Variants in SHTN1 observed in about 807,000 individuals in gnomAD.
The protein encoded by SHTN1 is shootin-1.
A neutral mutation model predicts 83.1 loss-of-function variants in SHTN1; 42 were observed. The ratio of observed to expected loss-of-function variants is 0.51; its 90% CI spans 0.39 to 0.65. SHTN1 has a LOEUF of 0.65. SHTN1 is among the 30% of genes least tolerant of loss of function. SHTN1 has a pLI of 0.00. For synonymous variants in SHTN1, 224 were observed against 247.7 expected (o/e 0.90, Z 0.90); for missense variants, 622 against 737.8 (o/e 0.84, Z 1.82).
chr10:116,954,137 G>T lies in SHTN1; in HGVS notation c.341C>A (p.Thr114Asn). 7 of 1,613,660 alleles carry T rather than the reference G, an allele frequency of 4.3e-6. No homozygotes were observed. The highest frequency in any genetic ancestry group is 5.9e-6 in the Non-Finnish European group (7 of 1,179,704). The change falls in exon 5 of 17, where the codon ACT becomes AAT. Residue 114 changes from threonine to asparagine, a missense_variant. Around this residue, in one of 3 missense-constraint regions of SHTN1, gnomAD observed 383 missense variants for 455.8 expected, o/e 0.84. Coordinates refer to ENST00000355371, the MANE Select transcript of SHTN1 (RefSeq NM_001127211.3). ...YMAKLGPDVI[T>N]EEINIDDEDS... ...TTCATCATCAATGTTTATCTCTTCA[G>T]TTATTACATCTGGTCCCAGCTTGGC...
chr10:116,924,551 C>T (rs1240617743), intron 11 of SHTN1, among the ~76,000 whole-genome samples: 1 of 151,918 alleles, frequency 6.6e-6, no homozygotes, highest in Non-Finnish European at 1.5e-5. Context: ...ATATTAAAAC[C>T]AACAGTCAAG....
At chr10:116,999,160 G>C (rs1290040817) in intron 1 of SHTN1, among the ~76,000 whole-genome samples, 7 of 152,076 alleles carry the variant, frequency 4.6e-5, no homozygotes, top group Admixed American at 4.6e-4. Flanking sequence ...CAAAAACAAG[G>C]AAAGAAAGAT....
chr10:117,073,037 C>T (rs1409687473), intron 1 of SHTN1, among the ~76,000 whole-genome samples: 1 of 152,172 alleles, frequency 6.6e-6, no homozygotes, highest in Admixed American at 6.5e-5. Context: ...GTTCAGGACA[C>T]ATTGGACACA....
intron 16 of SHTN1, among the ~76,000 whole-genome samples, chr10:116,889,739 C>A (rs1236160984): frequency 6.6e-6 from 1 of 152,212 alleles, no homozygotes; most frequent in Non-Finnish European, 1.5e-5. Context: ...AGGCTACAGG[C>A]TAGTTTTTGG....
At chr10:117,058,583 T>C (rs1057504149) in intron 1 of SHTN1, among the ~76,000 whole-genome samples, 1 of 152,114 alleles carries the variant, frequency 6.6e-6, no homozygotes, top group Non-Finnish European at 1.5e-5. Flanking sequence ...CTTGTGGAAA[T>C]ATAAAATTGT....
chr10:117,097,679 T>A (rs1207651637), intron 1 of SHTN1, among the ~76,000 whole-genome samples: 1 of 152,232 alleles, frequency 6.6e-6, no homozygotes, highest in Admixed American at 6.5e-5. Context: ...TTTTCAACCA[T>A]GACCCAGTTT....
In SHTN1 at chr10:116,912,932, G is replaced by A. The variant is rs551701456; in HGVS notation, c.1306-1089C>T. Among the ~76,000 whole-genome samples, 112 of 152,284 alleles carry A rather than the reference G, an allele frequency of 7.4e-4. 2 individuals carry two copies. The South Asian group carries it at 0.022, about 30-fold the overall frequency. ...TTAAAAACAGAGAAGAGAGAGGTTT[G>A]CTGCTCATGTACAAAGCTGACTAAG... is the stretch of plus-strand genomic sequence containing the variant. On this transcript the variant is annotated intron_variant, in intron 13 of 16. Coordinates refer to ENST00000355371, the MANE Select transcript of SHTN1 (RefSeq NM_001127211.3).
At chr10:116,999,088 C>T (rs1160440634) in intron 1 of SHTN1, among the ~76,000 whole-genome samples, 1 of 152,086 alleles carries the variant, frequency 6.6e-6, no homozygotes, top group Non-Finnish European at 1.5e-5. Context: ...CTTGGCCTCC[C>T]AAAGTGCTGG....
At chr10:117,098,141 C>A (rs1319763461) in intron 1 of SHTN1, among the ~76,000 whole-genome samples, 1 of 150,590 alleles carries the variant, frequency 6.6e-6, no homozygotes, top group Non-Finnish European at 1.5e-5. Flanking sequence ...GTAATCCCAG[C>A]ACTTTGGGAG....
At chr10:116,962,455 C>T (rs1283709266) in intron 3 of SHTN1, among the ~76,000 whole-genome samples, 8 of 152,016 alleles carry the variant, frequency 5.3e-5, no homozygotes, top group Admixed American at 4.6e-4. Flanking sequence ...GAATTTTTAG[C>T]CTTAACTACT....
At chr10:117,026,109 G>A (rs1852329215) in intron 2 of SHTN1, among the ~76,000 whole-genome samples, 1 of 151,606 alleles carries the variant, frequency 6.6e-6, no homozygotes, top group Admixed American at 6.6e-5. Flanking sequence ...CACCAAGTAG[G>A]CTCCTGGGGT....
rs149332367 is a variant in SHTN1 at position 117,111,310 on chromosome 10, T to C, written c.-189+14997A>G. On this transcript the variant is annotated intron_variant, in intron 1 of 17. Transcript: ENST00000392901. ...TGCATTTCTTTCTTTCTTTCTTTCT[T>C]TGAGATGGAGTCTCGTTCTGTTGCC... Among the ~76,000 whole-genome samples, 620 of 152,042 alleles carry C rather than the reference T, an allele frequency of 4.1e-3. 3 individuals are homozygous for C. Among genetic ancestry groups the C allele is most frequent in the African/African-American group, 0.014 (595 of 41,420 alleles).
chr10:116,954,542 CA>C (rs1156463745), intron 4 of SHTN1, among the ~76,000 whole-genome samples: 1 of 152,114 alleles, frequency 6.6e-6, no homozygotes, highest in Non-Finnish European at 1.5e-5. Context: ...TTATTTCAAG[CA>C]AATCTTCTGC....
rs200817575 is a variant in SHTN1, at chr10:116,937,649, CT to C, written c.858+2816del. ...CTGATGATTATGTGTCTTGGGGTTG[CT>C]CTTCTCGAGGAGTATCTTTGTGGTG... On this transcript the variant is annotated intron_variant, in intron 9 of 16. Coordinates refer to ENST00000355371, the MANE Select transcript of SHTN1 (RefSeq NM_001127211.3). 1.3e-3 allele frequency among the ~76,000 whole-genome samples: 194 copies of C among 152,124 alleles called. 1 individual carries two copies. In the East Asian group the frequency reaches 0.029, roughly 23 times the overall value.
At chr10:116,973,021 A>G (rs1241124109) in intron 2 of SHTN1, among the ~76,000 whole-genome samples, 1 of 152,200 alleles carries the variant, frequency 6.6e-6, no homozygotes, top group East Asian at 1.9e-4. Flanking sequence ...ACTGATTTGT[A>G]GAGAAACAGC....
intron 2 of SHTN1, among the ~76,000 whole-genome samples, chr10:117,042,565 A>G (rs1021152241): frequency 6.6e-6 from 1 of 152,072 alleles, no homozygotes; most frequent in African/African-American, 2.4e-5. Flanking sequence ...ACATACTCCA[A>G]TACAGCTCTC....
intron 2 of SHTN1, among the ~76,000 whole-genome samples, chr10:117,015,979 TCTC>T (rs1174523033): frequency 1.3e-5 from 2 of 152,324 alleles, no homozygotes; most frequent in African/African-American, 4.8e-5. Flanking sequence ...ATTTCAAGTT[TCTC>T]CTCAATACCT....
intron 12 of SHTN1, among the ~76,000 whole-genome samples, chr10:116,916,414 A>G (rs772382095): frequency 9.8e-5 from 15 of 152,322 alleles, no homozygotes; most frequent in Middle Eastern, 3.4e-3. Flanking sequence ...TTATCTAATA[A>G]GGACCTTCCA....
chr10:116,957,256 CTTT>C (rs374905540), intron 4 of SHTN1, among the ~76,000 whole-genome samples: 5 of 135,142 alleles, frequency 3.7e-5, no homozygotes, highest in Admixed American at 7.4e-5. Context: ...TATCTTTTTA[CTTT>C]TTTTTTTTTT....
Sources: gnomAD v4.1 joint callset for allele counts (sites outside exome capture counted in the v4.1 genomes callset) on GRCh38, gnomAD v4.1.1 for gene constraint, gnomAD v4.1.1 regional missense constraint, MANE v1.5 for transcripts, NCBI Gene and HGNC (gene_info 2026-07-23, HGNC 2026-07-21) for gene names.